The following ARB2A variants were observed in gnomAD, a reference collection of about 807,000 sequenced individuals.
The protein encoded by ARB2A is cotranscriptional regulator ARB2A.
the ARB2A span, among the ~76,000 whole-genome samples, chr5:93,699,127 A>T: frequency 6.6e-6 from 1 of 152,200 alleles, no homozygotes. Context: ...GGAAGTACAG[A>T]GAGAGTGGCA....
chr5:93,769,165 A>C, the ARB2A span, among the ~76,000 whole-genome samples: 2 of 152,192 alleles, frequency 1.3e-5, no homozygotes, highest in Non-Finnish European at 2.9e-5. Flanking sequence ...AGTATTAAAT[A>C]AGCGTGTATG....
chr5:93,688,383 C>T, the ARB2A span, among the ~76,000 whole-genome samples: 1 of 152,222 alleles, frequency 6.6e-6, no homozygotes, highest in South Asian at 2.1e-4. Flanking sequence ...CAAATCCTGC[C>T]TTATCTTCAA....
At chr5:93,817,442 G>C in the ARB2A span, among the ~76,000 whole-genome samples, 4 of 152,214 alleles carry the variant, frequency 2.6e-5, no homozygotes, top group East Asian at 5.8e-4. Context: ...ACAAATCTCT[G>C]CTTTTTTATT....
At chr5:94,100,946 T>C in the ARB2A span, among the ~76,000 whole-genome samples, 1 of 152,070 alleles carries the variant, frequency 6.6e-6, no homozygotes, top group African/African-American at 2.4e-5. Context: ...TGGGATCTAA[T>C]TAAACTTAAG....
chr5:93,958,877 C>T, the ARB2A span: 6 of 1,609,612 alleles, frequency 3.7e-6, no homozygotes, highest in Non-Finnish European at 5.1e-6. Flanking sequence ...AACACCACTA[C>T]CATGAATTAA....
At chr5:93,936,906 A>C in the ARB2A span, among the ~76,000 whole-genome samples, 1 of 151,370 alleles carries the variant, frequency 6.6e-6, no homozygotes, top group Non-Finnish European at 1.5e-5. Context: ...AATAGTTTTA[A>C]CCACTCAACT....
chr5:93,858,631 G>C, the ARB2A span, among the ~76,000 whole-genome samples: 1 of 152,126 alleles, frequency 6.6e-6, no homozygotes, highest in Non-Finnish European at 1.5e-5. Flanking sequence ...ACTACTTCTA[G>C]AGCCCATCAT....
the ARB2A span, among the ~76,000 whole-genome samples, chr5:93,955,963 A>C: frequency 6.6e-6 from 1 of 152,250 alleles, no homozygotes. Flanking sequence ...AGAAGAAACA[A>C]GTATGAGTAA....
the ARB2A span, among the ~76,000 whole-genome samples, chr5:93,773,172 C>G: frequency 6.6e-6 from 1 of 152,182 alleles, no homozygotes. Flanking sequence ...CTCTGCTGGT[C>G]TAAAGGTCTT....
the ARB2A span, chr5:93,743,458 T>C: frequency 9.0e-6 from 7 of 778,066 alleles, no homozygotes; most frequent in Non-Finnish European, 9.4e-6. Context: ...GATGACAGTC[T>C]ATAAAAAACA....
the ARB2A span, among the ~76,000 whole-genome samples, chr5:93,954,895 C>A: frequency 6.6e-6 from 1 of 152,254 alleles, no homozygotes; most frequent in Middle Eastern, 3.4e-3. Context: ...TGGATGCCAA[C>A]TGAGATCTGC....
the ARB2A span, among the ~76,000 whole-genome samples, chr5:94,090,716 T>G: frequency 6.6e-6 from 1 of 152,232 alleles, no homozygotes; most frequent in Non-Finnish European, 1.5e-5. Context: ...CCTAGTTTAT[T>G]GAGAGTTTTT....
At chr5:93,837,926 G>T in the ARB2A span, among the ~76,000 whole-genome samples, 1 of 152,102 alleles carries the variant, frequency 6.6e-6, no homozygotes, top group Non-Finnish European at 1.5e-5. Context: ...CAGATGCATA[G>T]TAAGCAAATA....
chr5:93,792,094 T>C, the ARB2A span, among the ~76,000 whole-genome samples: 8 of 152,106 alleles, frequency 5.3e-5, no homozygotes, highest in African/African-American at 1.4e-4. Flanking sequence ...CTAGTATCTA[T>C]TATATAAGAG....
At chr5:93,839,362 T>C in the ARB2A span, among the ~76,000 whole-genome samples, 2 of 152,188 alleles carry the variant, frequency 1.3e-5, no homozygotes, top group African/African-American at 2.4e-5. Flanking sequence ...GTTGAACCAA[T>C]CTTATGTTCT....
At chr5:93,814,880 C>T in the ARB2A span, among the ~76,000 whole-genome samples, 1 of 152,180 alleles carries the variant, frequency 6.6e-6, no homozygotes, top group Non-Finnish European at 1.5e-5. Context: ...CTGTGTTGCC[C>T]AGGCTGGAGT....
the ARB2A span, among the ~76,000 whole-genome samples, chr5:94,072,422 T>C: frequency 1.3e-5 from 2 of 152,038 alleles, no homozygotes; most frequent in East Asian, 3.9e-4. Context: ...ATGACCGTGT[T>C]TTAGTTAACA....
At chr5:93,932,173 T>C in the ARB2A span, among the ~76,000 whole-genome samples, 6 of 152,280 alleles carry the variant, frequency 3.9e-5, no homozygotes, top group Admixed American at 6.5e-5. Context: ...ACAACAATGG[T>C]GTGCTGGAGC....
At chr5:93,952,813 T>C in the ARB2A span, among the ~76,000 whole-genome samples, 1 of 152,192 alleles carries the variant, frequency 6.6e-6, no homozygotes, top group African/African-American at 2.4e-5. Context: ...AGATTTGCCC[T>C]TTTGAGGCAT....
Sources: gnomAD v4.1 joint callset for allele counts (sites outside exome capture counted in the v4.1 genomes callset) on GRCh38, gnomAD v4.1.1 for gene constraint, MANE v1.5 for transcripts, NCBI Gene and HGNC (gene_info 2026-07-23, HGNC 2026-07-21) for gene names.